Variants in USP32 observed in about 807,000 individuals in gnomAD.
The protein encoded by USP32 is ubiquitin carboxyl-terminal hydrolase 32.
A neutral mutation model predicts 204.8 loss-of-function variants in USP32; 59 were observed. The ratio of observed to expected loss-of-function variants is 0.29; its 90% confidence interval spans 0.23 to 0.36. USP32 has a LOEUF of 0.36. Among genes scored for constraint, USP32 ranks in the 10% least tolerant of loss-of-function variants. USP32 has a pLI of 1.00. For missense variants in USP32, 1,160 were observed against 1,946.4 expected, an observed-to-expected ratio of 0.60 and a Z score of 7.60; for synonymous variants, 517 against 678.4, an observed-to-expected ratio of 0.76 and a Z score of 3.70.
intron 1 of USP32, among the ~76,000 whole-genome samples, chr17:60,410,924 C>A (rs2090013016): frequency 6.6e-6 from 1 of 150,574 alleles, no homozygotes; most frequent in Admixed American, 6.6e-5. Context: ...ACTAAAAATA[C>A]AAAAATTAGC....
At chr17:60,293,429 A>T (rs1279972017) in intron 4 of USP32, among the ~76,000 whole-genome samples, 2 of 152,188 alleles carry the variant, frequency 1.3e-5, no homozygotes, top group African/African-American at 2.4e-5. Context: ...GGGGGAAAAA[A>T]ACAAACAAAT....
At chr17:60,238,976 C>A (rs8078663) in intron 11 of USP32, among the ~76,000 whole-genome samples, 2 of 152,030 alleles carry the variant, frequency 1.3e-5, no homozygotes, top group Non-Finnish European at 1.5e-5. Flanking sequence ...ACAAAACAAA[C>A]GAAAACCTTT....
intron 1 of USP32, among the ~76,000 whole-genome samples, chr17:60,348,384 A>G (rs533886472): frequency 6.6e-6 from 1 of 152,242 alleles, no homozygotes; most frequent in South Asian, 2.1e-4. Context: ...GAAAATTGAT[A>G]TGGAATAGTC....
chr17:60,341,679 C>A (rs1374639001), intron 2 of USP32, among the ~76,000 whole-genome samples: 1 of 152,152 alleles, frequency 6.6e-6, no homozygotes. Context: ...ACCCTTTCTT[C>A]CACTTGATTG....
At position 60,181,318 on chromosome 17, in the gene USP32, A is replaced by T. The variant is rs1416971412; in HGVS notation, c.4548+6T>A. On this transcript the variant is annotated splice_donor_region_variant and intron_variant, in intron 32 of 33. Transcript: ENST00000300896. ...CTCTCTGAAAACCATATAATAAACC[A>T]CTTACCGAAATTGCATATAGATTAT... is the stretch of plus-strand genomic sequence containing the variant. 1.2e-6 allele frequency: 2 copies of T among 1,604,744 alleles called. No individual in the cohort carries two copies. Among genetic ancestry groups the T allele is most frequent in the East Asian group, 4.5e-5 (2 of 44,744 alleles).
chr17:60,179,858 G>C (rs1202180643), intron 33 of USP32, among the ~76,000 whole-genome samples: 2 of 151,744 alleles, frequency 1.3e-5, no homozygotes, highest in Non-Finnish European at 2.9e-5. Flanking sequence ...TTTTAGTAAA[G>C]GCGGGGTTTC....
At chr17:60,311,606 T>C (rs1000826059) in intron 2 of USP32, among the ~76,000 whole-genome samples, 2 of 152,222 alleles carry the variant, frequency 1.3e-5, no homozygotes, top group African/African-American at 4.8e-5. Flanking sequence ...GTGGATCACC[T>C]GAGATCAGAA....
chr17:60,354,661 G>A lies in USP32; in HGVS notation c.59-9053C>T, dbSNP rs2089027043. On this transcript the variant is annotated intron_variant, in intron 1 of 33. Transcript: ENST00000300896. ...CAGGTAGATGATAAAACCCAGATGGGACATCTCAGGCAAGAGGGGGCCTAC... is the reference window on the plus strand; with the variant it reads ...CAGGTAGATGATAAAACCCAGATGGAACATCTCAGGCAAGAGGGGGCCTAC... 3.3e-5 allele frequency among the ~76,000 whole-genome samples: 5 copies of A among 152,248 alleles called. No homozygotes were observed. The South Asian group carries it at 1.0e-3, about 32-fold the overall frequency.
At chr17:60,215,210 G>A (rs189009090) in intron 16 of USP32, among the ~76,000 whole-genome samples, 271 of 152,288 alleles carry the variant, frequency 1.8e-3, no homozygotes, top group African/African-American at 6.1e-3. Context: ...GGGCTCAAGC[G>A]ATCCACCTGC....
At chr17:60,264,939 C>CA (rs1337203512) in intron 9 of USP32, among the ~76,000 whole-genome samples, 1 of 151,176 alleles carries the variant, frequency 6.6e-6, no homozygotes, top group Non-Finnish European at 1.5e-5. Context: ...TCCATCATCT[C>CA]AGATATCCTT....
intron 5 of USP32, among the ~76,000 whole-genome samples, chr17:60,278,268 C>T (rs8079797): frequency 0.13 from 19,413 of 151,714 alleles, 2,560 homozygotes; most frequent in African/African-American, 0.33. Flanking sequence ...GTATTATATG[C>T]CTGACATTGT....
chr17:60,249,837 C>T, intron 11 of USP32: 1 of 637,080 alleles, frequency 1.6e-6, no homozygotes, highest in South Asian at 1.8e-5. Context: ...TCGGCCATTC[C>T]AGAAATCACG....
intron 2 of USP32, among the ~76,000 whole-genome samples, chr17:60,323,775 AGAAG>A (rs1327608877): frequency 6.6e-6 from 1 of 152,238 alleles, no homozygotes; most frequent in African/African-American, 2.4e-5. Context: ...ATAACAAGAA[AGAAG>A]GAAGACTGGA....
At chr17:60,216,340 A>T (rs981112327) in intron 16 of USP32, among the ~76,000 whole-genome samples, 6 of 151,616 alleles carry the variant, frequency 4.0e-5, no homozygotes, top group African/African-American at 9.8e-5. Flanking sequence ...CTCCGCCAAA[A>T]ATCTAGACAA....
At chr17:60,185,324 A>G (rs1567749537) in intron 30 of USP32, 136 bp downstream of exon 30, 1 of 995,740 alleles carries the variant, frequency 1.0e-6, no homozygotes, top group East Asian at 2.5e-5. Flanking sequence ...CAACATAAAA[A>G]GCTTGTACAG....
chr17:60,374,399 G>GC (rs1638952949), intron 1 of USP32, among the ~76,000 whole-genome samples: 1 of 141,536 alleles, frequency 7.1e-6, no homozygotes, highest in African/African-American at 2.6e-5. Flanking sequence ...GTTAAGTTTT[G>GC]TTTTTTTTTT....
rs552871660 is a variant in USP32, at chr17:60,409,961, A to C, written c.106+12285T>G. 6.6e-4 allele frequency among the ~76,000 whole-genome samples: 100 copies of C among 152,308 alleles called. 1 individual carries two copies. The highest frequency in any genetic ancestry group is 2.3e-3 in the African/African-American group (96 of 41,562). On this transcript the variant is annotated intron_variant, in intron 1 of 3. Transcript: ENST00000588898. ...CAAGGGTTGGACAAGCTTGGTTTAA[A>C]ACAAAGATGAAAATAGCCCCTTCCC...
At chr17:60,223,874 G>T (rs2085318291) in intron 13 of USP32, among the ~76,000 whole-genome samples, 2 of 152,164 alleles carry the variant, frequency 1.3e-5, no homozygotes, top group South Asian at 4.1e-4. Flanking sequence ...CGACTGGAAG[G>T]GAAGAGCTGG....
intron 1 of USP32, among the ~76,000 whole-genome samples, chr17:60,372,721 T>G (rs969049010): frequency 8.7e-5 from 13 of 149,862 alleles, no homozygotes; most frequent in Non-Finnish European, 8.9e-5. Context: ...TGGTGGCATG[T>G]GCCTCCAAGC....
Sources: gnomAD v4.1 joint callset for allele counts (sites outside exome capture counted in the v4.1 genomes callset) on GRCh38, gnomAD v4.1.1 for gene constraint, MANE v1.5 for transcripts, NCBI Gene and HGNC (gene_info 2026-07-23, HGNC 2026-07-21) for gene names.